Variants in SRFBP1 observed in about 807,000 individuals in gnomAD.
SRFBP1 encodes the protein serum response factor binding protein 1.
Under a neutral mutation model 45.5 loss-of-function variants are expected in SRFBP1, and 47 were observed. The ratio of observed to expected loss-of-function variants is 1.03; its 90% CI spans 0.82 to 1.32. SRFBP1 has a LOEUF of 1.32. Among genes scored for constraint, SRFBP1 ranks in the 40% most tolerant of loss-of-function variants. The pLI, the probability that SRFBP1 is intolerant of heterozygous loss-of-function variation, is 0.00. For synonymous variants in SRFBP1, 203 were observed against 166.3 expected (o/e 1.22, Z -1.70); for missense variants, 621 against 484.6 (o/e 1.28, Z -2.64).
At chr5:122,013,739 C>A (rs1753140908) in intron 4 of SRFBP1, among the ~76,000 whole-genome samples, 1 of 152,072 alleles carries the variant, frequency 6.6e-6, no homozygotes, top group Non-Finnish European at 1.5e-5. Flanking sequence ...AAAAAGTCTG[C>A]TAACATTCTG....
At chr5:122,078,326 G>A (rs1754702228), downstream of SRFBP1, 1 of 215,674 alleles carries the variant, frequency 4.6e-6, no homozygotes, top group Non-Finnish European at 9.0e-6. Flanking sequence ...AAGCCGTTCT[G>A]GCCCGGCCGC....
At chr5:122,051,582 C>A (rs977081273) in intron 2 of SRFBP1, among the ~76,000 whole-genome samples, 5 of 151,444 alleles carry the variant, frequency 3.3e-5, no homozygotes, top group Admixed American at 3.3e-4. Flanking sequence ...ATTGCAACCC[C>A]TGCTTTTTCT....
At position 122,027,265 on chromosome 5, in the gene SRFBP1, A is replaced by G; in HGVS notation, c.*139A>G. 3 of 655,426 alleles carry G rather than the reference A, an allele frequency of 4.6e-6. No homozygotes were observed. Among genetic ancestry groups the G allele is most frequent in the Non-Finnish European group, 7.5e-6 (3 of 399,502 alleles). The allele number at this position is 655,426 out of a possible 1,614,324, so 40.6% of individuals were successfully genotyped here. A position where few individuals can be genotyped will look rare whatever the true frequency, so the allele number is the denominator to read the frequency against. ...AGCCTCAAACTCCTGGGCTCAAGTG[A>G]TCCTCCCACCTCTGCCTCCCAAAGG... On this transcript the variant is annotated 3_prime_UTR_variant, in exon 8 of 8. Transcript: ENST00000339397.
chr5:122,025,458 A>G (rs1177480803), intron 7 of SRFBP1, among the ~76,000 whole-genome samples: 1 of 152,118 alleles, frequency 6.6e-6, no homozygotes, highest in African/African-American at 2.4e-5. Flanking sequence ...ATGATTTATA[A>G]TCCTTTGGGT....
intron 2 of SRFBP1, among the ~76,000 whole-genome samples, chr5:121,974,793 A>G (rs1752268466): frequency 6.6e-6 from 1 of 151,930 alleles, no homozygotes. Flanking sequence ...GTGTTAGTGA[A>G]AAAGTATTTT....
intron 2 of SRFBP1, among the ~76,000 whole-genome samples, chr5:122,040,676 C>G (rs1753759616): frequency 6.6e-6 from 1 of 152,046 alleles, no homozygotes; most frequent in East Asian, 1.9e-4. Context: ...ATCGTAGGCA[C>G]CAGCTATGAT....
chr5:122,057,065 A>G (rs914515244), intron 2 of SRFBP1, among the ~76,000 whole-genome samples: 4 of 152,220 alleles, frequency 2.6e-5, no homozygotes, highest in Non-Finnish European at 4.4e-5. Flanking sequence ...TATGTAAAGC[A>G]TGTAATATAA....
At chr5:122,065,118 T>C (rs1754265473) in intron 2 of SRFBP1, 1 of 152,090 alleles carries the variant, frequency 6.6e-6, no homozygotes, top group African/African-American at 2.4e-5. Context: ...TCTGTCTGTA[T>C]TGTCTACTGG....
intron 2 of SRFBP1, among the ~76,000 whole-genome samples, chr5:122,051,526 T>C (rs771588198): frequency 1.3e-5 from 2 of 152,008 alleles, no homozygotes; most frequent in Non-Finnish European, 2.9e-5. Flanking sequence ...TATCTTTTTT[T>C]TTTTTAATCA....
rs1753280300 is a variant in SRFBP1, at chr5:122,020,394, A to G, written c.659A>G (p.Lys220Arg). ...TCTGTAGTTTCCCTTGAGTCCCAGA[A>G]GACACCTGCTGACCCAAAACTGAAA... ...KDSVVSLESQ[K>R]TPADPKLKTL... The change falls in exon 6 of 8, where the codon AAG (lysine) becomes AGG (arginine). Residue 220 changes from lysine to arginine, a missense_variant. Transcript: ENST00000339397. The G allele has an allele frequency of 6.2e-7, 1 of 1,614,052 alleles. No homozygotes were observed. The highest frequency in any genetic ancestry group is 1.3e-5 in the African/African-American group (1 of 74,950).
chr5:122,012,923 G>T (rs181416295), intron 4 of SRFBP1, among the ~76,000 whole-genome samples: 35 of 152,206 alleles, frequency 2.3e-4, no homozygotes, highest in Admixed American at 2.2e-3. Context: ...TTTAGCAAAA[G>T]TTAGAGGTTT....
intron 2 of SRFBP1, among the ~76,000 whole-genome samples, chr5:122,035,308 G>C (rs556143056): frequency 6.6e-6 from 1 of 152,208 alleles, no homozygotes; most frequent in South Asian, 2.1e-4. Flanking sequence ...GTCCAGTGTA[G>C]GCTCATATCT....
intron 3 of SRFBP1, among the ~76,000 whole-genome samples, chr5:121,991,655 A>G (rs1752624409): frequency 6.6e-6 from 1 of 152,144 alleles, no homozygotes; most frequent in African/African-American, 2.4e-5. Context: ...ATAATATATC[A>G]TTTATTGCAG....
chr5:122,035,463 T>G (rs1753677937), intron 2 of SRFBP1, among the ~76,000 whole-genome samples: 1 of 152,222 alleles, frequency 6.6e-6, no homozygotes, highest in Non-Finnish European at 1.5e-5. Context: ...CCATCTTCCT[T>G]CTGTGCTCTG....
chr5:122,062,675 G>A (rs1754192530), intron 2 of SRFBP1, among the ~76,000 whole-genome samples: 1 of 151,994 alleles, frequency 6.6e-6, no homozygotes, highest in African/African-American at 2.4e-5. Flanking sequence ...TTACCTGCAA[G>A]ACTCCTTAAG....
Position 121,985,663 on chromosome 5 carries a change from C to T in SRFBP1, c.199-8936C>T, listed in dbSNP as rs116364654. 4.1e-3 allele frequency among the ~76,000 whole-genome samples: 626 copies of T among 151,780 alleles called. 7 individuals carry two copies. Among genetic ancestry groups the T allele is most frequent in the African/African-American group, 0.015 (602 of 41,458 alleles). On this transcript the variant is annotated intron_variant, in intron 3 of 7. Coordinates refer to ENST00000339397, the MANE Select transcript of SRFBP1 (RefSeq NM_152546.3). ...TATTTAGTGTAACAATTTATAATAC[C>T]TAACAAGTAAAAATAACTTCAGTAT...
At chr5:122,068,933 G>A (rs777053342) in intron 2 of SRFBP1, among the ~76,000 whole-genome samples, 34 of 151,952 alleles carry the variant, frequency 2.2e-4, no homozygotes, top group African/African-American at 9.7e-5. Context: ...GTGTTCTGGC[G>A]GTGGGGGTCG....
At chr5:122,049,550 C>T (rs1475114554) in intron 2 of SRFBP1, among the ~76,000 whole-genome samples, 1 of 152,172 alleles carries the variant, frequency 6.6e-6, no homozygotes, top group African/African-American at 2.4e-5. Context: ...CAGAACTCTC[C>T]ACCCGAAATC....
intron 2 of SRFBP1, among the ~76,000 whole-genome samples, chr5:122,040,824 C>T (rs962974746): frequency 6.6e-6 from 1 of 152,148 alleles, no homozygotes; most frequent in Non-Finnish European, 1.5e-5. Context: ...GCCTCCCTCC[C>T]TCAATTTTTC....
Sources: allele counts gnomAD v4.1 joint callset (sites outside exome capture counted in the v4.1 genomes callset), GRCh38; gene constraint gnomAD v4.1.1; transcripts MANE v1.5; gene names NCBI Gene and HGNC (gene_info 2026-07-23, HGNC 2026-07-21).